The following PPP6R2 variants were observed in gnomAD, a reference collection of about 807,000 sequenced individuals.
The protein encoded by PPP6R2 is protein phosphatase 6 regulatory subunit 2.
PPP6R2 carries 62 observed loss-of-function variants against 100.2 expected under a neutral mutation model. That is an observed-to-expected ratio of 0.62 (90% CI 0.50 to 0.76). The LOEUF is 0.76. Ranked by LOEUF, PPP6R2 falls within the 30% of genes least tolerant of loss-of-function variation. The pLI is 0.00. For synonymous variants in PPP6R2, 525 were observed against 514.7 expected (o/e 1.02, Z -0.27); for missense variants, 1,142 against 1,276.3 (o/e 0.89, Z 1.60).
intron 1 of PPP6R2, among the ~76,000 whole-genome samples, chr22:50,355,052 A>G (rs1214158305): frequency 6.6e-6 from 1 of 151,476 alleles, no homozygotes; most frequent in African/African-American, 2.4e-5. Context: ...TCTATTGCCC[A>G]GGCTGATCCT....
In PPP6R2 at chr22:50,432,342, C is replaced by T. The variant is rs372075871; in HGVS notation, c.1400+13C>T. On this transcript the variant is annotated intron_variant, in intron 12 of 23. Transcript: ENST00000612753. ...ACGACCACACGCAGTAAGAGCCGCT[C>T]GGACGTGGAGGGACCCAGCCTGGCC... is the stretch of plus-strand genomic sequence containing the variant. 1.2e-4 allele frequency: 181 copies of T among 1,548,108 alleles called. No homozygotes were observed. The African/African-American group carries it at 2.3e-3, about 19-fold the overall frequency.
In PPP6R2 at chr22:50,444,518, A is replaced by G. The variant is rs377326287; in HGVS notation, c.*271A>G. ...GAGCACAGCAATAAGGTCGGCCTGCAGGAGCCGGGGTGGGGGTGGGGGTGG... is the reference window on the plus strand; with the variant it reads ...GAGCACAGCAATAAGGTCGGCCTGCGGGAGCCGGGGTGGGGGTGGGGGTGG... On this transcript the variant is annotated 3_prime_UTR_variant, in exon 24 of 24. Coordinates refer to ENST00000612753, the MANE Select transcript of PPP6R2 (RefSeq NM_001242898.2). 1 of 140,860 alleles carries G rather than the reference A, an allele frequency of 7.1e-6. No homozygotes were observed. The highest frequency in any genetic ancestry group is 1.3e-5 in the Non-Finnish European group (1 of 79,236). 8.7% of individuals were successfully genotyped at this position (140,860 alleles called of 1,614,324 possible).
chr22:50,373,085 C>A (rs998728074), intron 2 of PPP6R2, among the ~76,000 whole-genome samples: 6 of 152,090 alleles, frequency 3.9e-5, no homozygotes, highest in Non-Finnish European at 8.8e-5. Context: ...ACAGCATATA[C>A]ACTGTCACAG....
At chr22:50,437,970 G>T in intron 17 of PPP6R2, 70 bp downstream of exon 17, 22 of 1,553,134 alleles carry the variant, frequency 1.4e-5, no homozygotes, top group Non-Finnish European at 1.9e-5. Flanking sequence ...CCCATGGCTC[G>T]GTCTGTCATG....
chr22:50,405,110 C>T (rs918858640), intron 3 of PPP6R2, among the ~76,000 whole-genome samples: 19 of 152,200 alleles, frequency 1.2e-4, no homozygotes, highest in African/African-American at 2.9e-4. Context: ...GTGTTTCTCC[C>T]GTCTAGGGAT....
intron 6 of PPP6R2, among the ~76,000 whole-genome samples, chr22:50,416,979 T>C (rs554693585): frequency 9.2e-5 from 14 of 151,872 alleles, no homozygotes; most frequent in Middle Eastern, 6.8e-3. Flanking sequence ...CAAAGAACAA[T>C]TCTAATAGAA....
chr22:50,333,372 T>C, the PPP6R2 span, among the ~76,000 whole-genome samples: 1 of 151,506 alleles, frequency 6.6e-6, no homozygotes, highest in Non-Finnish European at 1.5e-5. Flanking sequence ...AGTCTCGCTC[T>C]GTCGCCCAGG....
upstream of PPP6R2, among the ~76,000 whole-genome samples, chr22:50,339,957 G>T (rs371073715): frequency 8.1e-3 from 1,131 of 139,546 alleles, 22 homozygotes; most frequent in African/African-American, 0.029. Flanking sequence ...TGTAGTGTGT[G>T]TGTGTTGTGT....
chr22:50,348,887 A>G (rs1009222876), intron 1 of PPP6R2, among the ~76,000 whole-genome samples: 1 of 151,462 alleles, frequency 6.6e-6, no homozygotes, highest in South Asian at 2.1e-4. Flanking sequence ...ACAAAACCCT[A>G]TCTCTACAAA....
At chr22:50,441,578 G>A (rs572150395) in intron 22 of PPP6R2, among the ~76,000 whole-genome samples, 5 of 152,298 alleles carry the variant, frequency 3.3e-5, no homozygotes, top group East Asian at 1.9e-4. Flanking sequence ...GGGGGGCGGC[G>A]GCCTCAGGAC....
At position 50,369,326 on chromosome 22, in the gene PPP6R2, A is replaced by G. The variant is rs182583081; in HGVS notation, c.-147-2694A>G. The stretch of plus-strand genomic sequence containing the variant: ...GCTGAAAGCCTATTTTGAGTTATTT[A>G]GCTTAATTTTAATCATGAAGTGTTA... On this transcript the variant is annotated intron_variant, in intron 1 of 23. Transcript: ENST00000612753. Among the ~76,000 whole-genome samples the G allele has an allele frequency of 1.3e-3, 198 of 152,172 alleles. 1 individual carries two copies. The highest frequency in any genetic ancestry group is 2.6e-3 in the Non-Finnish European group (180 of 68,012).
At chr22:50,392,556 G>A (rs1207949750) in intron 2 of PPP6R2, among the ~76,000 whole-genome samples, 3 of 152,202 alleles carry the variant, frequency 2.0e-5, no homozygotes, top group Admixed American at 6.5e-5. Flanking sequence ...CAGCTGTCGC[G>A]TGCTGGGGAG....
chr22:50,436,274 C>T (rs2148265441), intron 13 of PPP6R2, 93 bp from the exon 14 acceptor site: 1 of 1,148,196 alleles, frequency 8.7e-7, no homozygotes, highest in Non-Finnish European at 1.3e-6. Context: ...CCCCATCCTC[C>T]CGGACCCAGG....
intron 14 of PPP6R2, 44 bp from the exon 15 acceptor site, chr22:50,436,944 G>A (rs763124915): frequency 2.7e-5 from 40 of 1,503,440 alleles, no homozygotes; most frequent in African/African-American, 6.9e-5. Flanking sequence ...GGTCTGGGGC[G>A]CTGGGCTGGC....
At chr22:50,340,126 T>C (rs2042355718), upstream of PPP6R2, among the ~76,000 whole-genome samples, 4 of 119,352 alleles carry the variant, frequency 3.4e-5, no homozygotes, top group Admixed American at 3.6e-4. Context: ...GTGTACAGTG[T>C]GTGGTGTGTA....
intron 3 of PPP6R2, among the ~76,000 whole-genome samples, chr22:50,401,381 T>C (rs1003932986): frequency 6.6e-6 from 1 of 151,074 alleles, no homozygotes; most frequent in African/African-American, 2.4e-5. Context: ...TAATTTTTTA[T>C]ATTTTTTAGT....
rs577294395 is a variant in PPP6R2 at position 50,393,308 on chromosome 22, G to C, written c.-16-585G>C. 110 of 811,976 alleles carry C rather than the reference G, an allele frequency of 1.4e-4. No individual in the cohort carries two copies. The African/African-American group carries it at 1.9e-3, about 14-fold the overall frequency. The allele number at this position is 811,976 out of a possible 1,614,324, so 50.3% of individuals were successfully genotyped here. On this transcript the variant is annotated intron_variant, in intron 2 of 23. Transcript: ENST00000612753. ...CGATGAGTGGATGGGCCGGGTGGCT[G>C]GGGGAGGCAGAGGAGTGAGCGCAGG...
the PPP6R2 span, among the ~76,000 whole-genome samples, chr22:50,332,505 CAG>C: frequency 5.3e-5 from 8 of 152,150 alleles, no homozygotes; most frequent in Non-Finnish European, 1.0e-4. Context: ...GCTGGGATTA[CAG>C]GCGTGAGCCA....
intron 12 of PPP6R2, 76 bp downstream of exon 12, chr22:50,432,405 G>T: frequency 7.5e-7 from 1 of 1,336,972 alleles, no homozygotes; most frequent in Non-Finnish European, 1.0e-6. Flanking sequence ...CCAAGCCCTG[G>T]TGACGCTGCG....
Sources: gnomAD v4.1 joint callset for allele counts (sites outside exome capture counted in the v4.1 genomes callset) on GRCh38, gnomAD v4.1.1 for gene constraint, MANE v1.5 for transcripts, NCBI Gene and HGNC (gene_info 2026-07-23, HGNC 2026-07-21) for gene names.